The following ENTPD6 variants were observed in gnomAD, a reference collection of about 807,000 sequenced individuals.
ENTPD6 encodes CD39 antigen-like 2.
In ENTPD6, 46 loss-of-function variants were observed where a neutral mutation model predicts 61.5. The observed-to-expected ratio is 0.75, with a 90% CI of 0.59 to 0.96. ENTPD6 has a LOEUF of 0.96. Ranked by LOEUF, ENTPD6 falls within the 40% of genes least tolerant of loss-of-function variation. The pLI is 0.00. For missense variants in ENTPD6, 612 were observed against 629.0 expected (o/e 0.97, Z 0.29); for synonymous variants, 252 against 255.5 (o/e 0.99, Z 0.13).
At position 25,213,425 on chromosome 20, in the gene ENTPD6, C is replaced by T. The variant is rs377570483; in HGVS notation, c.597+19C>T. 113 of 1,589,054 alleles carry T rather than the reference C, an allele frequency of 7.1e-5. No homozygotes were observed. Among genetic ancestry groups the T allele is most frequent in the Non-Finnish European group, 8.7e-5 (101 of 1,167,296 alleles). ...GCAGAAGGTGAGCCTGGCCATTCCCCAGTGCCATTAGCCAGCCCTCAGGGG... is the reference window on the plus strand; with the variant it reads ...GCAGAAGGTGAGCCTGGCCATTCCCTAGTGCCATTAGCCAGCCCTCAGGGG... On this transcript the variant is annotated intron_variant, in intron 5 of 14. Coordinates refer to ENST00000376652, the MANE Select transcript of ENTPD6 (RefSeq NM_001247.5).
intron 4 of ENTPD6, among the ~76,000 whole-genome samples, chr20:25,210,787 C>T (rs1237169412): frequency 2.6e-5 from 4 of 150,970 alleles, no homozygotes; most frequent in Admixed American, 2.6e-4. Flanking sequence ...ACTAAAAATA[C>T]AAAAATTAGC....
chr20:25,203,430 A>C (rs2091205996), intron 1 of ENTPD6, among the ~76,000 whole-genome samples: 1 of 152,140 alleles, frequency 6.6e-6, no homozygotes, highest in Non-Finnish European at 1.5e-5. Flanking sequence ...GGAGGCCCCT[A>C]AGTCCCTGAG....
intron 6 of ENTPD6, 93 bp downstream of exon 6, chr20:25,215,035 C>G (rs553360151): frequency 4.8e-6 from 4 of 833,654 alleles, no homozygotes; most frequent in Admixed American, 3.6e-5. Context: ...CACCCCTCCC[C>G]GCCCCATGTG....
In ENTPD6 at chr20:25,220,736, C is replaced by A. The variant is rs188861166; in HGVS notation, c.944-496C>A. On this transcript the variant is annotated intron_variant, in intron 10 of 14. Transcript: ENST00000376652. ...CCAGCACCTTTCGGTGGGACAGCAGCCTGCCATCCTCGAAAGGTGATACTG... is the reference window on the plus strand; with the variant it reads ...CCAGCACCTTTCGGTGGGACAGCAGACTGCCATCCTCGAAAGGTGATACTG... 4.7e-3 allele frequency among the ~76,000 whole-genome samples: 716 copies of A among 152,356 alleles called. 3 individuals are homozygous for A. The highest frequency in any genetic ancestry group is 0.016 in the African/African-American group (683 of 41,574).
chr20:25,206,354 G>C (rs2091499327), intron 1 of ENTPD6, among the ~76,000 whole-genome samples, 168 bp from the exon 2 acceptor site: 1 of 152,204 alleles, frequency 6.6e-6, no homozygotes, highest in South Asian at 2.1e-4. Context: ...TGAAGCCTCA[G>C]GTTCCCACAT....
intron 11 of ENTPD6, chr20:25,222,601 T>C: frequency 2.1e-6 from 1 of 475,568 alleles, no homozygotes; most frequent in Non-Finnish European, 3.7e-6. Flanking sequence ...TGCCGCTGCC[T>C]TCGTGCCCAC....
intron 4 of ENTPD6, among the ~76,000 whole-genome samples, chr20:25,213,001 G>T (rs78401572): frequency 6.6e-6 from 1 of 152,162 alleles, no homozygotes; most frequent in Non-Finnish European, 1.5e-5. Flanking sequence ...CACCGTGCCC[G>T]GCCAGAAGTT....
intron 1 of ENTPD6, chr20:25,197,154 A>T (rs1271349544): frequency 5.1e-6 from 5 of 985,318 alleles, no homozygotes; most frequent in Non-Finnish European, 4.8e-6. Context: ...ACTTGAACTG[A>T]AAACCTGAAG....
chr20:25,225,181 T>G (rs1353478952), intron 13 of ENTPD6, 24 bp from the exon 14 acceptor site: 2 of 1,601,838 alleles, frequency 1.2e-6, no homozygotes, highest in Non-Finnish European at 1.7e-6. Flanking sequence ...ACCTGGAGCG[T>G]GAAGGGACGT....
At position 25,225,290 on chromosome 20, in the gene ENTPD6, C is replaced by A. The variant is rs150971820; in HGVS notation, c.1329C>A (p.Phe443Leu). 1.1e-5 allele frequency: 17 copies of A among 1,613,082 alleles called. No homozygotes were observed. Among genetic ancestry groups the A allele is most frequent in the Admixed American group, 5.0e-5 (3 of 59,964 alleles). Reference sequence around the variant, plus strand: ...ACGTCAGCCTGCTACTCCAGGAGTTCGGCTTTCCCAGGAGCAAAGTGCTGA... The same window carrying A: ...ACGTCAGCCTGCTACTCCAGGAGTTAGGCTTTCCCAGGAGCAAAGTGCTGA... ...LTYVSLLLQE[F>L]GFPRSKVLKL... Residue 443 changes from phenylalanine (F) to leucine (L), a missense_variant, in exon 14 of 15, where the codon TTC (phenylalanine) becomes TTA (leucine). Physicochemically the swap from Phe to Leu is conservative, Grantham distance 22. Coordinates refer to ENST00000376652, the MANE Select transcript of ENTPD6 (RefSeq NM_001247.5).
chr20:25,220,381 A>G (rs2092581930), intron 10 of ENTPD6, among the ~76,000 whole-genome samples: 1 of 151,608 alleles, frequency 6.6e-6, no homozygotes, highest in Non-Finnish European at 1.5e-5. Flanking sequence ...GCAGCTGTCT[A>G]GACGCCCCCT....
chr20:25,201,216 G>A (rs573691842), intron 1 of ENTPD6, among the ~76,000 whole-genome samples: 1 of 152,310 alleles, frequency 6.6e-6, no homozygotes, highest in South Asian at 2.1e-4. Flanking sequence ...ATTAAGGCCT[G>A]TTTTGTAGCC....
chr20:25,217,572 A>G lies in ENTPD6; in HGVS notation c.869A>G (p.Tyr290Cys). 1 of 1,614,074 alleles carries G rather than the reference A, an allele frequency of 6.2e-7. No homozygotes were observed. Among genetic ancestry groups the G allele is most frequent in the Non-Finnish European group, 8.5e-7 (1 of 1,179,960 alleles). ...LRMFNRTYKL[Y>C]SYSYLGLGLM... Reference sequence around the variant, plus strand: ...ATGTTTAACAGGACCTACAAGCTCTATTCCTACAGGTCTGCTTTCGGGAAC... The same window carrying G: ...ATGTTTAACAGGACCTACAAGCTCTGTTCCTACAGGTCTGCTTTCGGGAAC... The change falls in exon 9 of 15, where the codon TAT (tyrosine) becomes TGT (cysteine). Residue 290 changes from tyrosine (Y) to cysteine (C), a missense_variant. Tyr to Cys is a radical substitution (Grantham distance 194). Coordinates refer to ENST00000376652, the MANE Select transcript of ENTPD6 (RefSeq NM_001247.5).
Position 25,214,903 on chromosome 20 carries a change from G to T in ENTPD6, c.634G>T (p.Gly212Trp). ...KVFKASPFLV[G>W]DDCVSIMNGT... ...ATTTAAAGCATCGCCTTTCCTTGTA[G>T]GGGATGACTGTGTTTCCATCATGAA... The change falls in exon 6 of 15, where the codon GGG becomes TGG. Residue 212 changes from glycine to tryptophan, a missense_variant. Gly to Trp is a radical substitution (Grantham distance 184). Coordinates refer to ENST00000376652, the MANE Select transcript of ENTPD6 (RefSeq NM_001247.5). The T allele has an allele frequency of 6.2e-7, 1 of 1,607,944 alleles. No individual in the cohort carries two copies. Among genetic ancestry groups the T allele is most frequent in the Admixed American group, 1.7e-5 (1 of 60,004 alleles).
intron 11 of ENTPD6, chr20:25,222,509 G>A (rs1466054727): frequency 2.0e-5 from 5 of 248,508 alleles, no homozygotes. Context: ...GCTGGCGGAG[G>A]GGGAATGTAG....
intron 10 of ENTPD6, among the ~76,000 whole-genome samples, chr20:25,220,078 T>C (rs1447393103): frequency 6.6e-6 from 1 of 152,192 alleles, no homozygotes; most frequent in Non-Finnish European, 1.5e-5. Context: ...GAAGGTCTCA[T>C]GGTCTCCTCG....
chr20:25,215,745 T>C (rs1297199780), intron 7 of ENTPD6, 34 bp downstream of exon 7: 19 of 1,612,114 alleles, frequency 1.2e-5, no homozygotes, highest in Non-Finnish European at 1.5e-5. Flanking sequence ...GGCTAGCCGA[T>C]CACAGACACC....
intron 12 of ENTPD6, 37 bp downstream of exon 12, chr20:25,223,015 G>C: frequency 6.4e-7 from 1 of 1,566,976 alleles, no homozygotes; most frequent in South Asian, 1.1e-5. Context: ...GGAAGGTCGG[G>C]GCGGCAGGGG....
At chr20:25,206,618 C>G in intron 2 of ENTPD6, 28 bp downstream of exon 2, 3 of 1,549,070 alleles carry the variant, frequency 1.9e-6, no homozygotes, top group Non-Finnish European at 8.9e-7. Context: ...AGTAGTTGCC[C>G]AAGGGACGGA....
Sources: allele counts gnomAD v4.1 joint callset (sites outside exome capture counted in the v4.1 genomes callset), GRCh38; gene constraint gnomAD v4.1.1; transcripts MANE v1.5; gene names NCBI Gene and HGNC (gene_info 2026-07-23, HGNC 2026-07-21).